The following FOLH1 variants were observed in gnomAD, a reference collection of about 807,000 sequenced individuals.
The protein encoded by FOLH1 is glutamate carboxypeptidase 2.
FOLH1 carries 54 observed loss-of-function variants against 93.9 expected under a neutral mutation model. That is an observed-to-expected ratio of 0.57 (90% CI 0.46 to 0.72). The LOEUF (loss-of-function observed/expected upper bound fraction) is 0.72, where lower values mean the gene tolerates loss of function less well. Among genes scored for constraint, FOLH1 ranks in the 30% least tolerant of loss-of-function variants. FOLH1 has a pLI of 0.00. For missense variants in FOLH1, 571 were observed against 892.5 expected (o/e 0.64, Z 4.59); for synonymous variants, 249 against 303.6 (o/e 0.82, Z 1.87).
At chr11:49,182,609 G>A (rs1382557817) in intron 7 of FOLH1, among the ~76,000 whole-genome samples, 1 of 152,210 alleles carries the variant, frequency 6.6e-6, no homozygotes, top group Non-Finnish European at 1.5e-5. Context: ...TGGAAAATGA[G>A]GAGAGAGCTA....
At chr11:49,175,647 T>C (rs1753486621) in intron 8 of FOLH1, among the ~76,000 whole-genome samples, 1 of 152,170 alleles carries the variant, frequency 6.6e-6, no homozygotes, top group Admixed American at 6.5e-5. Context: ...GGGTTATTCA[T>C]TTTCTGAGTT....
intron 2 of FOLH1, among the ~76,000 whole-genome samples, chr11:49,205,168 C>A (rs1311509295): frequency 6.6e-5 from 10 of 151,766 alleles, no homozygotes; most frequent in Non-Finnish European, 1.3e-4. Context: ...CACGCCATTG[C>A]ACTCCAGCCT....
At chr11:49,201,801 G>A (rs1245074284) in intron 2 of FOLH1, among the ~76,000 whole-genome samples, 1 of 152,220 alleles carries the variant, frequency 6.6e-6, no homozygotes, top group Non-Finnish European at 1.5e-5. Flanking sequence ...TGAAGTGCCA[G>A]CTATGCCTCT....
At chr11:49,194,132 CAAAAAAAAAAAA>C (rs55656827) in intron 3 of FOLH1, among the ~76,000 whole-genome samples, 5 of 71,578 alleles carry the variant, frequency 7.0e-5, no homozygotes, top group Admixed American at 3.8e-4. Context: ...GCCTGGGTGA[CAAAAAAAAAAAA>C]AAAAAAAAAA....
chr11:49,177,574 G>A (rs2974885), intron 7 of FOLH1, among the ~76,000 whole-genome samples: 1 of 151,792 alleles, frequency 6.6e-6, no homozygotes, highest in Non-Finnish European at 1.5e-5. Context: ...CTAACAAAAA[G>A]CAGCCTGAAA....
At chr11:49,194,713 A>G (rs1862440031) in intron 3 of FOLH1, among the ~76,000 whole-genome samples, 1 of 152,092 alleles carries the variant, frequency 6.6e-6, no homozygotes, top group Admixed American at 6.5e-5. Context: ...CTGTGTACCA[A>G]TTGACAAGCA....
intron 1 of FOLH1, chr11:49,206,832 A>G: frequency 1.3e-6 from 2 of 1,525,328 alleles, no homozygotes; most frequent in South Asian, 1.2e-5. Context: ...AACAATGGAT[A>G]GCTAGATCCT....
At chr11:49,180,313 T>C (rs1341023925) in intron 7 of FOLH1, among the ~76,000 whole-genome samples, 1 of 152,212 alleles carries the variant, frequency 6.6e-6, no homozygotes, top group African/African-American at 2.4e-5. Context: ...ACTATAATTA[T>C]CGTCCTGGAA....
At chr11:49,172,201 C>T (rs1377908158) in intron 10 of FOLH1, among the ~76,000 whole-genome samples, 1 of 152,072 alleles carries the variant, frequency 6.6e-6, no homozygotes, top group South Asian at 2.1e-4. Flanking sequence ...CTGTAATTGT[C>T]ACAGTGATGT....
chr11:49,173,321 T>G, intron 10 of FOLH1, 36 bp downstream of exon 10: 1 of 1,592,704 alleles, frequency 6.3e-7, no homozygotes, highest in South Asian at 1.1e-5. Flanking sequence ...GAGACTCAGA[T>G]AGGCTGTTTT....
At chr11:49,157,846 A>G in intron 14 of FOLH1, 106 bp downstream of exon 14, 4 of 1,059,238 alleles carry the variant, frequency 3.8e-6, no homozygotes, top group Non-Finnish European at 4.0e-6. Flanking sequence ...CAGATTTTAG[A>G]CCATTTTGAA....
chr11:49,178,214 C>T (rs1026489727), intron 7 of FOLH1, among the ~76,000 whole-genome samples: 2 of 152,178 alleles, frequency 1.3e-5, no homozygotes, highest in African/African-American at 4.8e-5. Context: ...GACACTACCT[C>T]TTCACCAGCT....
At chr11:49,180,846 C>T (rs1407957211) in intron 7 of FOLH1, among the ~76,000 whole-genome samples, 4 of 152,088 alleles carry the variant, frequency 2.6e-5, no homozygotes, top group African/African-American at 9.7e-5. Flanking sequence ...ATGTAAAATG[C>T]ACTTTTTCAT....
chr11:49,191,644 T>C (rs936257946), intron 4 of FOLH1, among the ~76,000 whole-genome samples: 3 of 152,242 alleles, frequency 2.0e-5, no homozygotes, highest in Admixed American at 1.3e-4. Flanking sequence ...TTTCTCCTTA[T>C]AATATGATGT....
intron 13 of FOLH1, among the ~76,000 whole-genome samples, chr11:49,161,912 G>T (rs1010602098): frequency 3.9e-5 from 6 of 152,160 alleles, no homozygotes; most frequent in Non-Finnish European, 8.8e-5. Context: ...TGAAATTCTG[G>T]ATTGGAATTT....
intron 18 of FOLH1, 119 bp from the exon 19 acceptor site, chr11:49,147,064 C>A (rs1314720086): frequency 8.9e-6 from 6 of 672,186 alleles, no homozygotes; most frequent in Non-Finnish European, 1.5e-5. Context: ...AGCCACTTGT[C>A]AACTGAACTT....
In FOLH1 at chr11:49,164,742, G is replaced by A. The variant is rs139716793; in HGVS notation, c.1403C>T (p.Pro468Leu). The A allele has an allele frequency of 2.6e-5, 41 of 1,603,586 alleles. No homozygotes were observed. The highest frequency in any genetic ancestry group is 4.0e-5 in the African/African-American group (3 of 74,638). The stretch of plus-strand genomic sequence containing the variant: ...GTTGTGTACCAAGCTGTACATCAGC[G>A]GTGTACAATCAACTCTCAGAGTGTA... ...GNYTLRVDCTPLMYSLVHNLT... is the reference protein window; with the variant it reads ...GNYTLRVDCTLLMYSLVHNLT... The change falls in exon 13 of 19, where the codon CCG becomes CTG. Residue 468 changes from proline (P) to leucine (L), a missense_variant. By Grantham distance (98) the Pro-to-Leu change is moderately conservative. Transcript: ENST00000256999.
chr11:49,200,336 TA>T lies in FOLH1; in HGVS notation c.329del (p.Leu110GlnfsTer21). 6.2e-7 allele frequency: 1 copy of T among 1,613,404 alleles called. No homozygotes were observed. Among genetic ancestry groups the T allele is most frequent in the Non-Finnish European group, 8.5e-7 (1 of 1,179,584 alleles). The part of the protein sequence containing the change: ...WKEFGLDSVE[L>X]AHYDVLLSYP... The stretch of plus-strand genomic sequence containing the variant: ...AGGACAACAGGACATCATAATGTGC[TA>T]GCTCAACAGAATCCAGGCCAAATTC... On this transcript the variant is annotated frameshift_variant, in exon 3 of 19. Coordinates refer to ENST00000256999, the MANE Select transcript of FOLH1 (RefSeq NM_004476.3).
chr11:49,194,687 G>A (rs1862437486), intron 3 of FOLH1, among the ~76,000 whole-genome samples: 1 of 151,932 alleles, frequency 6.6e-6, no homozygotes, highest in Non-Finnish European at 1.5e-5. Flanking sequence ...AGCGTAGCAT[G>A]TCTAAATAAA....
Sources: gnomAD v4.1 joint callset for allele counts (sites outside exome capture counted in the v4.1 genomes callset) on GRCh38, gnomAD v4.1.1 for gene constraint, MANE v1.5 for transcripts, NCBI Gene and HGNC (gene_info 2026-07-23, HGNC 2026-07-21) for gene names.